ASTN2: variants seen among roughly 807,000 people sequenced by gnomAD.
The protein encoded by ASTN2 is astrotactin 2, also known as astrotactin-2.
ASTN2 carries 54 observed loss-of-function variants against 139.8 expected under a neutral mutation model. That is an observed-to-expected ratio of 0.39 (90% confidence interval 0.31 to 0.48). The LOEUF is 0.48. Among genes scored for constraint, ASTN2 ranks in the 20% least tolerant of loss-of-function variants. ASTN2 has a pLI of 0.95. For missense variants in ASTN2, 1,565 were observed against 1,725.1 expected, an observed-to-expected ratio of 0.91 and a Z score of 1.64; for synonymous variants, 756 against 719.5, an observed-to-expected ratio of 1.05 and a Z score of -0.81.
intron 16 of ASTN2, among the ~76,000 whole-genome samples, chr9:116,715,993 T>A (rs990853663): frequency 6.6e-6 from 1 of 152,134 alleles, no homozygotes; most frequent in Admixed American, 6.5e-5. Context: ...TCCAGGCCAT[T>A]TTGTTCTCAT....
At chr9:117,242,150 A>C (rs1326598123) in intron 2 of ASTN2, among the ~76,000 whole-genome samples, 1 of 151,032 alleles carries the variant, frequency 6.6e-6, no homozygotes, top group Admixed American at 6.6e-5. Context: ...TTTAACGTGG[A>C]GCTTACTTTG....
intron 3 of ASTN2, among the ~76,000 whole-genome samples, chr9:117,181,404 CA>C (rs756282137): frequency 3.9e-5 from 6 of 152,212 alleles, no homozygotes; most frequent in Non-Finnish European, 7.3e-5. Context: ...CCTGTTTACT[CA>C]ACTCTCTTAC....
At chr9:116,530,129 A>G (rs1444301308) in intron 19 of ASTN2, among the ~76,000 whole-genome samples, 4 of 33,278 alleles carry the variant, frequency 1.2e-4, no homozygotes, top group African/African-American at 3.3e-4. Flanking sequence ...ATATATATAT[A>G]TATATATATA....
At chr9:117,138,178 T>A (rs1479272538) in intron 4 of ASTN2, among the ~76,000 whole-genome samples, 1 of 152,230 alleles carries the variant, frequency 6.6e-6, no homozygotes, top group African/African-American at 2.4e-5. Flanking sequence ...AAAATTTTAG[T>A]CTGAACTACT....
chr9:117,006,138 G>T (rs1837347606), intron 7 of ASTN2, among the ~76,000 whole-genome samples: 1 of 152,148 alleles, frequency 6.6e-6, no homozygotes, highest in Non-Finnish European at 1.5e-5. Flanking sequence ...AGGGCACACT[G>T]TAAACACCCA....
intron 4 of ASTN2, among the ~76,000 whole-genome samples, chr9:117,098,423 T>C (rs1828890130): frequency 6.6e-6 from 1 of 152,152 alleles, no homozygotes; most frequent in African/African-American, 2.4e-5. Context: ...TCTGTAAAAT[T>C]GAAAGATTAA....
intron 4 of ASTN2, among the ~76,000 whole-genome samples, chr9:117,113,199 A>C (rs1829291880): frequency 6.6e-6 from 1 of 152,230 alleles, no homozygotes; most frequent in Non-Finnish European, 1.5e-5. Flanking sequence ...TTAATTCTAC[A>C]ACAACCAAAT....
At chr9:117,015,822 G>T (rs10739482) in intron 6 of ASTN2, among the ~76,000 whole-genome samples, 100,196 of 151,876 alleles carry the variant, frequency 0.66, 34,052 homozygotes, top group Middle Eastern at 0.79. Context: ...GGGGTTTCCT[G>T]GAATCATTAT....
At chr9:117,085,515 C>T (rs185421703) in intron 5 of ASTN2, among the ~76,000 whole-genome samples, 3 of 152,176 alleles carry the variant, frequency 2.0e-5, no homozygotes, top group Non-Finnish European at 4.4e-5. Context: ...CCCTGCACAG[C>T]ACTGGAAGTC....
At chr9:117,234,245 C>T (rs1202979187) in intron 2 of ASTN2, among the ~76,000 whole-genome samples, 1 of 152,200 alleles carries the variant, frequency 6.6e-6, no homozygotes. Context: ...AAGGGAGCCT[C>T]AGGCAGGGAC....
Position 116,426,152 on chromosome 9 carries a change from T to C in ASTN2, c.3783-64A>G, listed in dbSNP as rs1042163450. On this transcript the variant is annotated intron_variant, in intron 22 of 22. Coordinates refer to ENST00000313400, the MANE Select transcript of ASTN2 (RefSeq NM_001365068.1). Reference sequence around the variant, plus strand: ...CAGATCAAGAGTTAGACCTTTGAGGTAGTAAATGTCAACAAACAAATGGTA... The same window carrying C: ...CAGATCAAGAGTTAGACCTTTGAGGCAGTAAATGTCAACAAACAAATGGTA... 8.2e-6 allele frequency: 13 copies of C among 1,578,060 alleles called. No homozygotes were observed. In the African/African-American group the frequency reaches 1.6e-4, roughly 20 times the overall value.
chr9:117,319,593 ATTTT>A (rs3041177), intron 1 of ASTN2, among the ~76,000 whole-genome samples: 7 of 143,404 alleles, frequency 4.9e-5, no homozygotes, highest in South Asian at 2.3e-4. Flanking sequence ...ATGCCCAGCA[ATTTT>A]TTTTTTTTTT....
At chr9:117,351,692 C>T (rs529588475) in intron 1 of ASTN2, among the ~76,000 whole-genome samples, 1 of 152,282 alleles carries the variant, frequency 6.6e-6, no homozygotes, top group African/African-American at 2.4e-5. Flanking sequence ...TCTTTGGAGG[C>T]ACTTCTGGAA....
chr9:116,471,814 T>C (rs1269261050), intron 20 of ASTN2, among the ~76,000 whole-genome samples: 2 of 152,146 alleles, frequency 1.3e-5, no homozygotes, highest in Non-Finnish European at 1.5e-5. Context: ...GTCTCCAAGG[T>C]TAGGCAATTT....
At chr9:117,089,366 C>T (rs1428484054) in intron 5 of ASTN2, among the ~76,000 whole-genome samples, 1 of 152,258 alleles carries the variant, frequency 6.6e-6, no homozygotes, top group East Asian at 1.9e-4. Flanking sequence ...CCACTAGTAA[C>T]CTACTACATT....
At chr9:116,696,900 G>A (rs1485172102) in intron 16 of ASTN2, among the ~76,000 whole-genome samples, 2 of 149,944 alleles carry the variant, frequency 1.3e-5, no homozygotes, top group African/African-American at 4.9e-5. Context: ...CTGCTTCTGT[G>A]GATGATTCCT....
chr9:116,570,000 G>T (rs1853429674), intron 19 of ASTN2, among the ~76,000 whole-genome samples: 1 of 152,206 alleles, frequency 6.6e-6, no homozygotes, highest in South Asian at 2.1e-4. Flanking sequence ...GATGTGAAAA[G>T]TCATTGGAGA....
intron 19 of ASTN2, among the ~76,000 whole-genome samples, chr9:116,502,541 AAG>A (rs1849902745): frequency 2.3e-4 from 4 of 17,334 alleles, no homozygotes; most frequent in Non-Finnish European, 1.0e-3. Flanking sequence ...AAGTGGATAG[AAG>A]GTCAGAGACC....
intron 4 of ASTN2, among the ~76,000 whole-genome samples, chr9:117,102,921 C>G (rs1201555968): frequency 6.0e-5 from 9 of 151,226 alleles, no homozygotes; most frequent in Admixed American, 5.9e-4. Context: ...AGTGATAGAA[C>G]CATAAATGGG....
Sources: gnomAD v4.1 joint callset for allele counts (sites outside exome capture counted in the v4.1 genomes callset) on GRCh38, gnomAD v4.1.1 for gene constraint, MANE v1.5 for transcripts, NCBI Gene and HGNC (gene_info 2026-07-23, HGNC 2026-07-21) for gene names.